The following NRG1 variants were observed in gnomAD, a reference collection of about 807,000 sequenced individuals.
NRG1 encodes pro-neuregulin-1, membrane-bound isoform.
In NRG1, 18 loss-of-function variants were observed where a neutral mutation model predicts 63.8. That is an observed-to-expected ratio of 0.28 (90% confidence interval 0.19 to 0.42). The LOEUF (loss-of-function observed/expected upper bound fraction) is 0.42. Among genes scored for constraint, NRG1 ranks in the 10% least tolerant of loss-of-function variants. The pLI, the probability that NRG1 is intolerant of heterozygous loss-of-function variation, is 1.00. For synonymous variants in NRG1, 302 were observed against 301.3 expected, an observed-to-expected ratio of 1.00 and a Z score of -0.02; for missense variants, 762 against 814.7, an observed-to-expected ratio of 0.94 and a Z score of 0.79.
At chr8:32,708,812 T>C (rs1817079918) in intron 5 of NRG1, among the ~76,000 whole-genome samples, 1 of 152,170 alleles carries the variant, frequency 6.6e-6, no homozygotes, top group Non-Finnish European at 1.5e-5. Flanking sequence ...GGGTTCCTGC[T>C]CTATTGCTTG....
chr8:32,198,217 C>T (rs1787756708), intron 1 of NRG1, among the ~76,000 whole-genome samples: 1 of 152,028 alleles, frequency 6.6e-6, no homozygotes, highest in African/African-American at 2.4e-5. Context: ...TCACCCTGTC[C>T]CACAGACTGG....
At chr8:31,816,288 TC>T (rs1254655594) in intron 1 of NRG1, among the ~76,000 whole-genome samples, 2 of 152,288 alleles carry the variant, frequency 1.3e-5, no homozygotes, top group Non-Finnish European at 2.9e-5. Context: ...TAGCTCTGAC[TC>T]CCTTTCTCCA....
intron 1 of NRG1, among the ~76,000 whole-genome samples, chr8:32,146,516 T>C (rs1379929148): frequency 6.6e-5 from 10 of 152,138 alleles, no homozygotes; most frequent in Non-Finnish European, 1.3e-4. Context: ...GTAAAAAAAT[T>C]ATCATTTCTC....
At chr8:32,421,745 G>C (rs538661365) in intron 1 of NRG1, among the ~76,000 whole-genome samples, 1 of 152,018 alleles carries the variant, frequency 6.6e-6, no homozygotes, top group African/African-American at 2.4e-5. Flanking sequence ...AAATCACTTC[G>C]CATACACAGT....
chr8:31,975,176 C>A (rs1807956563), intron 1 of NRG1, among the ~76,000 whole-genome samples: 1 of 152,162 alleles, frequency 6.6e-6, no homozygotes, highest in Non-Finnish European at 1.5e-5. Context: ...TGTACAACAA[C>A]ATTATGAGTC....
At chr8:32,658,648 C>T (rs1458933583) in intron 5 of NRG1, among the ~76,000 whole-genome samples, 1 of 152,086 alleles carries the variant, frequency 6.6e-6, no homozygotes, top group Non-Finnish European at 1.5e-5. Context: ...AGATGTTAAC[C>T]TTCTTGCCAG....
At chr8:32,300,458 T>A (rs998320386) in intron 1 of NRG1, among the ~76,000 whole-genome samples, 1 of 152,148 alleles carries the variant, frequency 6.6e-6, no homozygotes, top group African/African-American at 2.4e-5. Flanking sequence ...AATCTTAGAG[T>A]TGTTTATCCA....
At chr8:32,454,323 C>A (rs894083610) in intron 1 of NRG1, among the ~76,000 whole-genome samples, 1 of 152,108 alleles carries the variant, frequency 6.6e-6, no homozygotes, top group Non-Finnish European at 1.5e-5. Flanking sequence ...ATTTAAGATG[C>A]CTTAGAAACT....
Position 31,838,625 on chromosome 8 carries a change from T to A in NRG1, c.37+199194T>A, listed in dbSNP as rs1192924653. Among the ~76,000 whole-genome samples the A allele has an allele frequency of 2.0e-5, 3 of 152,176 alleles. No homozygotes were observed. The East Asian group carries it at 5.8e-4, about 29-fold the overall frequency. ...TTTTATGTTTTCTGTCAGTGTTTAA[T>A]GGTTTTCCTCCAATAACTTTTACCA... On this transcript the variant is annotated intron_variant, in intron 1 of 10. Transcript: ENST00000519301.
At chr8:32,335,100 A>T (rs1803097309) in intron 1 of NRG1, among the ~76,000 whole-genome samples, 2 of 152,174 alleles carry the variant, frequency 1.3e-5, no homozygotes, top group Non-Finnish European at 2.9e-5. Context: ...ATACCATAGG[A>T]TTTAAACTGA....
rs191641716 is a variant in NRG1, at chr8:32,306,498, C to G, written c.38-289330C>G. On this transcript the variant is annotated intron_variant, in intron 1 of 10. Coordinates refer to the NRG1 transcript ENST00000519301. ...TATCAACTGCTTTCCCAGAAAGGCC[C>G]CATTGAAATTAATGGACTCAGGGCT... is the stretch of plus-strand genomic sequence containing the variant. 9.9e-5 allele frequency among the ~76,000 whole-genome samples: 15 copies of G among 152,220 alleles called. No individual in the cohort carries two copies. The South Asian group carries it at 1.2e-3, about 13-fold the overall frequency.
chr8:31,709,497 T>G (rs1163612386), intron 1 of NRG1, among the ~76,000 whole-genome samples: 1 of 152,088 alleles, frequency 6.6e-6, no homozygotes, highest in Non-Finnish European at 1.5e-5. Context: ...TTTAAAATTT[T>G]TCCTTGTTCT....
chr8:31,872,101 G>A (rs1432271138), intron 1 of NRG1, among the ~76,000 whole-genome samples: 1 of 152,174 alleles, frequency 6.6e-6, no homozygotes, highest in East Asian at 1.9e-4. Context: ...ATCTAACATT[G>A]TAATTGCTCA....
intron 5 of NRG1, among the ~76,000 whole-genome samples, chr8:32,623,032 T>G (rs549995718): frequency 2.6e-5 from 4 of 152,344 alleles, no homozygotes; most frequent in Non-Finnish European, 4.4e-5. Context: ...CAGCTAAGGC[T>G]TCATTTTACA....
intron 5 of NRG1, among the ~76,000 whole-genome samples, chr8:32,639,375 C>T (rs988725406): frequency 6.6e-6 from 1 of 152,110 alleles, no homozygotes; most frequent in East Asian, 1.9e-4. Flanking sequence ...CACTGCACTC[C>T]AGCCTAAGCG....
At chr8:31,789,553 A>G (rs1820493548) in intron 1 of NRG1, among the ~76,000 whole-genome samples, 1 of 152,206 alleles carries the variant, frequency 6.6e-6, no homozygotes, top group African/African-American at 2.4e-5. Context: ...CCAAAAAATG[A>G]TAAACCACAA....
At chr8:32,588,215 G>A (rs980427459) in intron 1 of NRG1, among the ~76,000 whole-genome samples, 1 of 152,030 alleles carries the variant, frequency 6.6e-6, no homozygotes, top group African/African-American at 2.4e-5. Context: ...AGCCACCAGC[G>A]CCCAGCCCTC....
intron 1 of NRG1, among the ~76,000 whole-genome samples, chr8:32,291,090 A>G (rs201848277): frequency 2.0e-5 from 3 of 152,220 alleles, no homozygotes; most frequent in East Asian, 3.9e-4. Context: ...CCAATGTCCC[A>G]GTTTGAATAC....
chr8:32,305,509 C>A (rs1401741840), intron 1 of NRG1, among the ~76,000 whole-genome samples: 1 of 152,162 alleles, frequency 6.6e-6, no homozygotes, highest in Non-Finnish European at 1.5e-5. Flanking sequence ...GTTTCAAACT[C>A]ATTTAAAGAG....
Sources: allele counts gnomAD v4.1 joint callset (sites outside exome capture counted in the v4.1 genomes callset), GRCh38; gene constraint gnomAD v4.1.1; transcripts MANE v1.5; gene names NCBI Gene and HGNC (gene_info 2026-07-23, HGNC 2026-07-21).